Variants in TEX9 observed in about 807,000 individuals in gnomAD.
TEX9 encodes the protein testis-expressed protein 9.
In TEX9, 74 loss-of-function variants were observed where a neutral mutation model predicts 59.6. The observed-to-expected ratio is 1.24, with a 90% CI of 1.03 to 1.51. TEX9 has a LOEUF of 1.51. Among genes scored for constraint, TEX9 ranks in the 40% most tolerant of loss-of-function variants. The probability of loss-of-function intolerance (pLI) is 0.00; values close to 1 mark genes in which losing one functional copy is unlikely to be tolerated. For synonymous variants in TEX9, 186 were observed against 152.2 expected (o/e 1.22, Z -1.64); for missense variants, 522 against 447.8 (o/e 1.17, Z -1.49).
chr15:56,267,804 A>C (rs1313005857), intron 1 of TEX9, among the ~76,000 whole-genome samples: 7 of 152,070 alleles, frequency 4.6e-5, no homozygotes, highest in African/African-American at 1.7e-4. Flanking sequence ...TTGTCTTGGC[A>C]ATGTGGGCTC....
intron 1 of TEX9, among the ~76,000 whole-genome samples, chr15:56,306,466 G>A (rs1371176272): frequency 6.6e-6 from 1 of 152,040 alleles, no homozygotes; most frequent in Non-Finnish European, 1.5e-5. Context: ...AACAACATGG[G>A]TGGAACTGAG....
chr15:56,454,387 C>T, the TEX9 span, among the ~76,000 whole-genome samples: 1 of 151,612 alleles, frequency 6.6e-6, no homozygotes, highest in Non-Finnish European at 1.5e-5. Context: ...TTTTAAATGT[C>T]CAGTGAAATT....
rs368238923 is a variant in TEX9 at position 56,383,744 on chromosome 15, A to G, written c.184-208A>G. ...GATATTCTTACATTTTCCCCTTAGG[A>G]TGGAATTTTTTAACCCAGAACAAAT... On this transcript the variant is annotated intron_variant, in intron 3 of 12. Transcript: ENST00000352903. Among the ~76,000 whole-genome samples, 8 of 152,288 alleles carry G rather than the reference A, an allele frequency of 5.3e-5. No homozygotes were observed. The East Asian group carries it at 5.8e-4, about 11-fold the overall frequency.
intron 1 of TEX9, among the ~76,000 whole-genome samples, chr15:56,295,006 T>C (rs562589739): frequency 6.6e-6 from 1 of 152,192 alleles, no homozygotes; most frequent in Non-Finnish European, 1.5e-5. Flanking sequence ...TTTTTTCATA[T>C]ATATATATGT....
intron 1 of TEX9, among the ~76,000 whole-genome samples, chr15:56,331,569 A>C (rs1223642872): frequency 2.6e-5 from 4 of 152,220 alleles, no homozygotes; most frequent in Admixed American, 6.5e-5. Context: ...GTCAATAAAG[A>C]GATTAAGAAG....
At chr15:56,345,263 T>C (rs2046449625) in intron 1 of TEX9, among the ~76,000 whole-genome samples, 1 of 151,776 alleles carries the variant, frequency 6.6e-6, no homozygotes, top group Non-Finnish European at 1.5e-5. Flanking sequence ...TTTGGAAGCA[T>C]GGACATGAAT....
chr15:56,278,628 C>A (rs973719627), intron 1 of TEX9, among the ~76,000 whole-genome samples: 1 of 152,108 alleles, frequency 6.6e-6, no homozygotes, highest in East Asian at 1.9e-4. Context: ...CCTTGTGGGA[C>A]TTTCTCTCTT....
intron 1 of TEX9, among the ~76,000 whole-genome samples, chr15:56,273,600 C>T (rs2044600698): frequency 6.6e-6 from 1 of 151,720 alleles, no homozygotes; most frequent in Non-Finnish European, 1.5e-5. Flanking sequence ...ATTTAAATTT[C>T]TGTCTAGCTC....
intron 1 of TEX9, among the ~76,000 whole-genome samples, chr15:56,317,885 C>T (rs1230937765): frequency 1.3e-5 from 2 of 151,800 alleles, no homozygotes; most frequent in African/African-American, 2.4e-5. Context: ...TTTATTGAGG[C>T]TTGTTTTATG....
chr15:56,332,616 T>TA (rs71110384), intron 1 of TEX9, among the ~76,000 whole-genome samples: 20,016 of 138,348 alleles, frequency 0.14, 1,719 homozygotes, highest in East Asian at 0.46. Context: ...ACTTAAAATA[T>TA]AAAAAAAAAA....
Position 56,302,548 on chromosome 15 carries a change from A to G in TEX9, c.-107+58270A>G, listed in dbSNP as rs542491040. Among the ~76,000 whole-genome samples the G allele has an allele frequency of 1.3e-3, 200 of 152,148 alleles. 1 individual carries two copies. Among genetic ancestry groups the G allele is most frequent in the African/African-American group, 4.7e-3 (197 of 41,544 alleles). Reference sequence around the variant, plus strand: ...AAGCAAAATAAAACAAAACAAACCTACGAAAGATACACAAAAAGTAAAAAG... The same window carrying G: ...AAGCAAAATAAAACAAAACAAACCTGCGAAAGATACACAAAAAGTAAAAAG... On this transcript the variant is annotated intron_variant, in intron 1 of 5. Coordinates refer to the TEX9 transcript ENST00000560827.
intron 1 of TEX9, among the ~76,000 whole-genome samples, chr15:56,249,618 A>G (rs925404641): frequency 1.3e-5 from 2 of 151,736 alleles, no homozygotes; most frequent in African/African-American, 2.4e-5. Flanking sequence ...GGTGCCTGTA[A>G]TCCCAGCTAC....
chr15:56,349,803 G>T (rs1165716367), intron 1 of TEX9, among the ~76,000 whole-genome samples: 2 of 151,946 alleles, frequency 1.3e-5, no homozygotes, highest in African/African-American at 4.8e-5. Flanking sequence ...ATATGTATGT[G>T]TGTGCGTGTG....
At chr15:56,327,430 G>A (rs913840670) in intron 1 of TEX9, among the ~76,000 whole-genome samples, 1 of 152,130 alleles carries the variant, frequency 6.6e-6, no homozygotes, top group Non-Finnish European at 1.5e-5. Context: ...GAATACCATT[G>A]GAGGGGGTGA....
chr15:56,393,464 C>T (rs1461473705), intron 7 of TEX9, among the ~76,000 whole-genome samples: 1 of 152,134 alleles, frequency 6.6e-6, no homozygotes, highest in Non-Finnish European at 1.5e-5. Context: ...CCAAGTGTTT[C>T]CTCAAGATAA....
exon 4 of TEX9, chr15:56,383,958 C>G (rs748173177): frequency 2.5e-6 from 4 of 1,609,224 alleles, no homozygotes; most frequent in African/African-American, 2.7e-5. Context: ...TAAGAGAGAT[C>G]GGCAAGAAGT....
At chr15:56,389,293 A>G (rs746320944) in intron 5 of TEX9, 25 bp from the exon 6 acceptor site, 3 of 1,576,502 alleles carry the variant, frequency 1.9e-6, no homozygotes, top group East Asian at 2.2e-5. Flanking sequence ...CTAATTAGTC[A>G]ATACTTTCAA....
intron 1 of TEX9, among the ~76,000 whole-genome samples, chr15:56,351,608 T>C (rs562933698): frequency 6.6e-6 from 1 of 152,334 alleles, no homozygotes; most frequent in South Asian, 2.1e-4. Context: ...CTGAATGATC[T>C]CTGTGTCTTT....
chr15:56,289,594 T>C (rs1480556777), intron 1 of TEX9, among the ~76,000 whole-genome samples: 8 of 152,198 alleles, frequency 5.3e-5, no homozygotes, highest in African/African-American at 1.9e-4. Context: ...CAGTAATTAA[T>C]GGCTGCTAAG....
Sources: gnomAD v4.1 joint callset for allele counts (sites outside exome capture counted in the v4.1 genomes callset) on GRCh38, gnomAD v4.1.1 for gene constraint, MANE v1.5 for transcripts, NCBI Gene and HGNC (gene_info 2026-07-23, HGNC 2026-07-21) for gene names.